Variants in PARP11 observed in about 807,000 individuals in gnomAD.
PARP11 encodes the protein protein mono-ADP-ribosyltransferase PARP11.
PARP11 carries 31 observed loss-of-function variants against 42.9 expected under a neutral mutation model. The observed-to-expected ratio is 0.72, with a 90% CI of 0.54 to 0.98. The LOEUF is 0.98. Among genes scored for constraint, PARP11 ranks in the 50% least tolerant of loss-of-function variants. The pLI, the probability that PARP11 is intolerant of heterozygous loss-of-function variation, is 0.00. For synonymous variants in PARP11, 137 were observed against 127.3 expected, an observed-to-expected ratio of 1.08 and a Z score of -0.51; for missense variants, 365 against 413.1, an observed-to-expected ratio of 0.88 and a Z score of 1.01.
In PARP11 at chr12:3,819,201, C is replaced by T. The variant is rs144418385; in HGVS notation, c.548+2672G>A. Among the ~76,000 whole-genome samples, 437 of 152,340 alleles carry T rather than the reference C, an allele frequency of 2.9e-3. 3 individuals are homozygous for T. The highest frequency in any genetic ancestry group is 9.1e-3 in the African/African-American group (379 of 41,578). ...TCTCCCTTATTCACTCCATCGCATA[C>T]AATAAGTGAGGCGCCAAGCCCTACC... On this transcript the variant is annotated intron_variant, in intron 6 of 7. Coordinates refer to ENST00000228820, the MANE Select transcript of PARP11 (RefSeq NM_020367.6).
intron 1 of PARP11, among the ~76,000 whole-genome samples, chr12:3,869,236 A>G (rs1948436987): frequency 6.6e-6 from 1 of 152,206 alleles, no homozygotes; most frequent in Non-Finnish European, 1.5e-5. Flanking sequence ...CCATGTAACA[A>G]CATATTTACA....
In PARP11 at chr12:3,836,564, T is replaced by C. The variant is rs535088484; in HGVS notation, c.19-6546A>G. Among the ~76,000 whole-genome samples, 383 of 152,304 alleles carry C rather than the reference T, an allele frequency of 2.5e-3. 2 individuals carry two copies. Among genetic ancestry groups the C allele is most frequent in the Non-Finnish European group, 3.3e-3 (227 of 68,022 alleles). ...AAAAGAGCGCTGGTAAAAGGTATAA[T>C]TGCTGATTTCTCCTTTCCTCTCTTG... On this transcript the variant is annotated intron_variant, in intron 1 of 7. Transcript: ENST00000228820.
intron 1 of PARP11, among the ~76,000 whole-genome samples, chr12:3,857,384 A>G (rs1948213266): frequency 6.6e-6 from 1 of 152,212 alleles, no homozygotes; most frequent in South Asian, 2.1e-4. Context: ...TGCCAAGGTC[A>G]TTGCTGATAA....
In PARP11 at chr12:3,841,265, T is replaced by C. The variant is rs1591782027; in HGVS notation, c.19-11247A>G. The C allele has an allele frequency of 7.5e-6, 10 of 1,340,564 alleles. No homozygotes were observed. The South Asian group carries it at 1.2e-4, about 16-fold the overall frequency. 83.0% of individuals were successfully genotyped at this position (1,340,564 alleles called of 1,614,324 possible). A position where few individuals can be genotyped will look rare whatever the true frequency, so the allele number is the denominator to read the frequency against. ...GAGGACCTACCTAAAGATAAGAATA[T>C]TCTTCGATTCTTCTTCAATCTTGGT... On this transcript the variant is annotated intron_variant, in intron 1 of 7. Coordinates refer to ENST00000228820, the MANE Select transcript of PARP11 (RefSeq NM_020367.6).
At chr12:3,823,078 C>T (rs1947434728) in intron 4 of PARP11, among the ~76,000 whole-genome samples, 1 of 152,188 alleles carries the variant, frequency 6.6e-6, no homozygotes. Context: ...TAGCAAAAGG[C>T]TGAACATGAC....
intron 1 of PARP11, chr12:3,871,825 T>C (rs1022894063): frequency 1.3e-5 from 2 of 152,180 alleles, no homozygotes; most frequent in African/African-American, 2.4e-5. Flanking sequence ...CTGAATACTT[T>C]GAACTAAAAG....
intron 6 of PARP11, among the ~76,000 whole-genome samples, chr12:3,817,849 A>G (rs1257700037): frequency 6.6e-6 from 1 of 152,200 alleles, no homozygotes; most frequent in Non-Finnish European, 1.5e-5. Context: ...GAATTTTTTA[A>G]GGTAAAAATG....
In PARP11 at chr12:3,812,137, T is replaced by C; in HGVS notation, c.1003A>G (p.Ile335Val). The C allele has an allele frequency of 6.2e-7, 1 of 1,608,242 alleles. No homozygotes were observed. Among genetic ancestry groups the C allele is most frequent in the Non-Finnish European group, 8.5e-7 (1 of 1,177,406 alleles). Residue 335 changes from isoleucine (I) to valine (V), a missense_variant, in exon 8 of 8, where the codon ATA becomes GTA. Coordinates refer to ENST00000228820, the MANE Select transcript of PARP11 (RefSeq NM_020367.6). ...TGGAAGTGAAATCAATGAAAGTCTATCAAGTACTCAGGATAGATTTGGTTG... is the reference window on the plus strand; with the variant it reads ...TGGAAGTGAAATCAATGAAAGTCTACCAAGTACTCAGGATAGATTTGGTTG... ...DANQIYPEYL[I>V]DFH
intron 1 of PARP11, among the ~76,000 whole-genome samples, chr12:3,852,597 G>T (rs908946503): frequency 6.6e-6 from 1 of 152,130 alleles, no homozygotes; most frequent in Non-Finnish European, 1.5e-5. Context: ...AGAGTAAAAA[G>T]AAATGAACAA....
rs755617479 is a variant in PARP11, at chr12:3,812,279, G to A, written c.861C>T (p.Tyr287=). The A allele has an allele frequency of 1.2e-6, 2 of 1,614,204 alleles. No homozygotes were observed. Among genetic ancestry groups the A allele is most frequent in the South Asian group, 2.2e-5 (2 of 91,090 alleles). The change falls in exon 8 of 8, where the codon TAC becomes TAT. Residue 287 remains tyrosine, a synonymous_variant. Coordinates refer to ENST00000228820, the MANE Select transcript of PARP11 (RefSeq NM_020367.6). ...GCATGTATTTGGAGTCTCCGTTTAT[G>A]TAATCTCCAATTAGCACTCGAGCAA... ...MFLARVLIGD[Y]INGDSKYMRP... is the part of the protein sequence containing the mutation.
chr12:3,810,669 A>C lies in PARP11; in HGVS notation c.*1454T>G, dbSNP rs1947152945. The C allele has an allele frequency of 6.8e-6, 1 of 147,796 alleles. No individual in the cohort carries two copies. The highest frequency in any genetic ancestry group is 1.5e-5 in the Non-Finnish European group (1 of 67,200). The allele number at this position is 147,796 out of a possible 1,614,324, so 9.2% of individuals were successfully genotyped here. On this transcript the variant is annotated 3_prime_UTR_variant, in exon 8 of 8. Transcript: ENST00000228820. ...AAAGAAGGAAGGAAGGAAGGAAGGA[A>C]GGAAGGAAGGAAGGAAAGAAAGAAG...
At chr12:3,828,159 G>C (rs1591768782) in intron 3 of PARP11, among the ~76,000 whole-genome samples, 1 of 152,294 alleles carries the variant, frequency 6.6e-6, no homozygotes, top group African/African-American at 2.4e-5. Flanking sequence ...TTCTGACAAA[G>C]ACATCGAGAG....
At chr12:3,839,350 GGGCCCC>G (rs1947840255) in intron 1 of PARP11, 1 of 1,536,114 alleles carries the variant, frequency 6.5e-7, no homozygotes, top group Non-Finnish European at 8.7e-7. Flanking sequence ...GGGCGGCGCG[GGGCCCC>G]GCGAGGACGC....
Position 3,848,606 on chromosome 12 carries a change from C to T in PARP11, c.19-18588G>A, listed in dbSNP as rs763214104. On this transcript the variant is annotated intron_variant, in intron 1 of 7. Transcript: ENST00000228820. ...AAAACTGAATAAAGACTATCTAATTCGCAGAAGAATAAAACTATACCACTA... is the reference window on the plus strand; with the variant it reads ...AAAACTGAATAAAGACTATCTAATTTGCAGAAGAATAAAACTATACCACTA... Among the ~76,000 whole-genome samples the T allele has an allele frequency of 5.3e-5, 8 of 151,840 alleles. 1 individual carries two copies. The highest frequency in any genetic ancestry group is 4.1e-4 in the South Asian group (2 of 4,834).
chr12:3,843,242 T>G (rs1022812958), intron 1 of PARP11, among the ~76,000 whole-genome samples: 3 of 152,244 alleles, frequency 2.0e-5, no homozygotes, highest in African/African-American at 7.2e-5. Context: ...ATGAAATGGC[T>G]GTTTCCACCA....
chr12:3,866,063 C>G (rs2138129133), intron 1 of PARP11, among the ~76,000 whole-genome samples: 1 of 152,172 alleles, frequency 6.6e-6, no homozygotes, highest in South Asian at 2.1e-4. Flanking sequence ...TCCAATTTAA[C>G]TTTTCTAGCT....
intron 4 of PARP11, chr12:3,824,734 C>G: frequency 1.1e-5 from 4 of 351,740 alleles, no homozygotes; most frequent in Non-Finnish European, 1.6e-5. Flanking sequence ...CACCAAAGCA[C>G]AGCAGATACA....
At chr12:3,820,563 T>C (rs1947372075) in intron 6 of PARP11, among the ~76,000 whole-genome samples, 2 of 152,312 alleles carry the variant, frequency 1.3e-5, no homozygotes, top group South Asian at 2.1e-4. Flanking sequence ...GGTACATTTT[T>C]ACCACTATGA....
chr12:3,823,744 C>T (rs1947455414), intron 4 of PARP11, among the ~76,000 whole-genome samples: 1 of 151,602 alleles, frequency 6.6e-6, no homozygotes, highest in Non-Finnish European at 1.5e-5. Context: ...AGTGAAACCC[C>T]ATCTCTACTA....
Sources: allele counts gnomAD v4.1 joint callset (sites outside exome capture counted in the v4.1 genomes callset), GRCh38; gene constraint gnomAD v4.1.1; transcripts MANE v1.5; gene names NCBI Gene and HGNC (gene_info 2026-07-23, HGNC 2026-07-21).